KCNAB2: variants seen among roughly 807,000 people sequenced by gnomAD.
The protein encoded by KCNAB2 is potassium voltage-gated channel subfamily A regulatory beta subunit 2.
In KCNAB2, 29 loss-of-function variants were observed where a neutral mutation model predicts 63.6. The ratio of observed to expected loss-of-function variants is 0.46; its 90% CI spans 0.34 to 0.62. The LOEUF is 0.62. KCNAB2 is among the 20% of genes least tolerant of loss of function. The probability of loss-of-function intolerance (pLI) is 0.01; values close to 1 mark genes in which losing one functional copy is unlikely to be tolerated. For missense variants in KCNAB2, 359 were observed against 563.9 expected (o/e 0.64, Z 3.68); for synonymous variants, 222 against 224.2 (o/e 0.99, Z 0.09).
At chr1:6,009,631 G>A in intron 1 of KCNAB2, among the ~76,000 whole-genome samples, 1 of 152,234 alleles carries the variant, frequency 6.6e-6, no homozygotes. Flanking sequence ...AAAAAGAACT[G>A]CAGCATGATC....
chr1:6,080,285 C>CGTCT (rs1557493346), intron 4 of KCNAB2, among the ~76,000 whole-genome samples: 1 of 152,148 alleles, frequency 6.6e-6, no homozygotes, highest in East Asian at 1.9e-4. Context: ...ACAAGCCACC[C>CGTCT]GTCTGTCCGT....
chr1:6,089,059 C>T lies in KCNAB2; in HGVS notation c.514+8C>T, dbSNP rs377738158. ...GGAAGCACATAATCGAAGGTGAGGA[C>T]GCGCTCGGGCACCTCAGGGCCCCCA... On this transcript the variant is annotated splice_region_variant and intron_variant, in intron 8 of 15. Transcript: ENST00000378083. 24 of 1,548,342 alleles carry T rather than the reference C, an allele frequency of 1.6e-5. No homozygotes were observed. Among genetic ancestry groups the T allele is most frequent in the East Asian group, 4.9e-5 (2 of 40,706 alleles).
rs1318024945 is a variant in KCNAB2 at position 6,035,919 on chromosome 1, A to C, written c.-53+1125A>C. On this transcript the variant is annotated intron_variant, in intron 1 of 15. Coordinates refer to the KCNAB2 transcript ENST00000164247. The surrounding 1 kb of genome is among the most constrained non-coding windows in gnomAD (Gnocchi z 5.0). The stretch of plus-strand genomic sequence containing the variant: ...GCAGGAAGAAGCCCAGGAGACTGAG[A>C]AGGAGTGGCTGGAGGGATGAGAGGG... 1 of 153,128 alleles carries C rather than the reference A, an allele frequency of 6.5e-6. No individual in the cohort carries two copies. The highest frequency in any genetic ancestry group is 1.9e-4 in the East Asian group (1 of 5,206). 9.5% of individuals were successfully genotyped at this position (153,128 alleles called of 1,614,324 possible). A position where few individuals can be genotyped will look rare whatever the true frequency, so the allele number is the denominator to read the frequency against.
chr1:5,998,328 G>A (rs1179536392), intron 1 of KCNAB2, among the ~76,000 whole-genome samples: 1 of 152,244 alleles, frequency 6.6e-6, no homozygotes, highest in Non-Finnish European at 1.5e-5. Context: ...CACCTGGGCT[G>A]CACAGACTGA....
At chr1:6,090,540 G>A (rs1171753135) in intron 9 of KCNAB2, 65 bp downstream of exon 9, 5 of 1,293,762 alleles carry the variant, frequency 3.9e-6, no homozygotes, top group African/African-American at 1.5e-5. Flanking sequence ...TGAACCTGGG[G>A]TTGTAGAGGC....
At chr1:6,067,380 G>T (rs1662846510) in intron 2 of KCNAB2, among the ~76,000 whole-genome samples, 1 of 152,208 alleles carries the variant, frequency 6.6e-6, no homozygotes, top group Admixed American at 6.5e-5. Flanking sequence ...TTGCATTTGG[G>T]AATCTTCTGG....
At chr1:6,040,186 G>A (rs1413698957) in intron 1 of KCNAB2, among the ~76,000 whole-genome samples, 1 of 152,220 alleles carries the variant, frequency 6.6e-6, no homozygotes, top group African/African-American at 2.4e-5. Flanking sequence ...CATGTGGGCA[G>A]CAGAAACTAC....
chr1:6,007,100 C>T (rs1461847799), intron 1 of KCNAB2, among the ~76,000 whole-genome samples: 1 of 152,186 alleles, frequency 6.6e-6, no homozygotes. Context: ...ACAGTCCGAC[C>T]TCTCCGAGGC....
chr1:6,045,540 A>G (rs1256826233), upstream of KCNAB2, among the ~76,000 whole-genome samples: 2 of 152,162 alleles, frequency 1.3e-5, no homozygotes, highest in Non-Finnish European at 2.9e-5. This position sits in a 1 kb window ranked among gnomAD's most constrained non-coding sequence, Gnocchi z 4.8. Flanking sequence ...AGCTACCGGT[A>G]GTATCAGATA....
intron 1 of KCNAB2, among the ~76,000 whole-genome samples, chr1:6,050,615 C>A (rs1247375650): frequency 6.6e-6 from 1 of 152,230 alleles, no homozygotes; most frequent in Non-Finnish European, 1.5e-5. Context: ...TTCTTGACAG[C>A]AGCACAAATT....
At chr1:6,004,178 A>G (rs1163017489) in intron 1 of KCNAB2, among the ~76,000 whole-genome samples, 2 of 151,882 alleles carry the variant, frequency 1.3e-5, no homozygotes, top group African/African-American at 4.8e-5. Context: ...CACTTCCCAC[A>G]AAAGAAGGTT....
At chr1:6,041,089 A>T (rs1028156567), upstream of KCNAB2, 13 of 161,282 alleles carry the variant, frequency 8.1e-5, no homozygotes, top group Non-Finnish European at 1.5e-4. Flanking sequence ...CGGTTTCCCA[A>T]CACTGGAGGG....
At chr1:6,081,925 G>A (rs547223773) in intron 4 of KCNAB2, among the ~76,000 whole-genome samples, 1 of 152,316 alleles carries the variant, frequency 6.6e-6, no homozygotes, top group Non-Finnish European at 1.5e-5. Flanking sequence ...CCAACTGATG[G>A]GGTCCCTGCT....
chr1:6,006,743 A>C (rs1286517805), intron 1 of KCNAB2, among the ~76,000 whole-genome samples: 2 of 120,584 alleles, frequency 1.7e-5, no homozygotes, highest in Admixed American at 8.8e-5. Context: ...ACATTCCCCT[A>C]CTCCACCCTC....
chr1:6,025,947 AC>A, intron 1 of KCNAB2: 2 of 144,996 alleles, frequency 1.4e-5, no homozygotes, highest in African/African-American at 5.1e-5. Context: ...ATCCCGGCAC[AC>A]AGCCGATCCC....
intron 2 of KCNAB2, chr1:6,040,696 C>A: frequency 1.7e-6 from 2 of 1,204,950 alleles, no homozygotes; most frequent in African/African-American, 1.5e-5. Context: ...AGTCCTGCTT[C>A]GAGGACGGGT....
intron 4 of KCNAB2, among the ~76,000 whole-genome samples, chr1:6,077,317 C>G (rs1663748160): frequency 6.6e-6 from 1 of 152,124 alleles, no homozygotes; most frequent in Non-Finnish European, 1.5e-5. Context: ...GCAGAAAAAC[C>G]TGGAAGAGAA....
At chr1:6,082,995 G>A (rs964266910) in intron 5 of KCNAB2, among the ~76,000 whole-genome samples, 12 of 152,166 alleles carry the variant, frequency 7.9e-5, no homozygotes, top group Non-Finnish European at 1.5e-4. Context: ...CAACTGCAGC[G>A]GGGCCCAGAG....
chr1:6,048,972 C>G (rs533819849), intron 1 of KCNAB2, among the ~76,000 whole-genome samples: 1 of 152,362 alleles, frequency 6.6e-6, no homozygotes, highest in East Asian at 1.9e-4. Flanking sequence ...AGCGATTCTC[C>G]TGGAAGGCAG....
Sources: gnomAD v4.1 joint callset for allele counts (sites outside exome capture counted in the v4.1 genomes callset) on GRCh38, gnomAD v4.1.1 for gene constraint, Gnocchi (gnomAD v3.1) non-coding constraint, MANE v1.5 for transcripts, NCBI Gene and HGNC (gene_info 2026-07-23, HGNC 2026-07-21) for gene names.